Variants in RBPMS observed in about 807,000 individuals in gnomAD.
RBPMS encodes the protein RNA binding protein, mRNA processing factor, also known as RNA-binding protein with multiple splicing.
RBPMS carries 7 observed loss-of-function variants against 26.8 expected under a neutral mutation model. That is an observed-to-expected ratio of 0.26 (90% CI 0.15 to 0.49). The LOEUF (loss-of-function observed/expected upper bound fraction) is 0.49, where lower values mean the gene tolerates loss of function less well. Ranked by LOEUF, RBPMS falls within the 20% of genes least tolerant of loss-of-function variation. The pLI is 0.98. For missense variants in RBPMS, 186 were observed against 250.0 expected, an observed-to-expected ratio of 0.74 and a Z score of 1.73; for synonymous variants, 96 against 93.3, an observed-to-expected ratio of 1.03 and a Z score of -0.17.
intron 1 of RBPMS, 29 bp from the exon 2 acceptor site, chr8:30,474,750 T>G: frequency 7.1e-7 from 1 of 1,416,034 alleles, no homozygotes; most frequent in Non-Finnish European, 1.0e-6. Flanking sequence ...GTCCACACCC[T>G]TGATCACTTC....
At chr8:30,561,162 G>A (rs528779731) in intron 7 of RBPMS, among the ~76,000 whole-genome samples, 205 of 152,164 alleles carry the variant, frequency 1.3e-3, no homozygotes, top group African/African-American at 4.8e-3. Context: ...TGCTTTTTAG[G>A]AGAGATTTTT....
chr8:30,515,257 C>T (rs1183051400), intron 5 of RBPMS, among the ~76,000 whole-genome samples: 2 of 152,156 alleles, frequency 1.3e-5, no homozygotes, highest in Non-Finnish European at 2.9e-5. Flanking sequence ...CAGGTGTGAG[C>T]CACCACACCA....
intron 7 of RBPMS, among the ~76,000 whole-genome samples, chr8:30,559,358 T>G (rs779315044): frequency 5.3e-5 from 8 of 152,252 alleles, no homozygotes; most frequent in Non-Finnish European, 1.0e-4. Flanking sequence ...GGGAGATTTA[T>G]TAGAATGAGT....
intron 4 of RBPMS, among the ~76,000 whole-genome samples, chr8:30,493,509 C>T (rs1328561379): frequency 1.3e-5 from 2 of 151,860 alleles, no homozygotes; most frequent in Non-Finnish European, 2.9e-5. Context: ...GAGCAGTTGA[C>T]CTGCTGCTTT....
intron 4 of RBPMS, among the ~76,000 whole-genome samples, chr8:30,479,655 C>T (rs546627592): frequency 6.6e-6 from 1 of 152,232 alleles, no homozygotes; most frequent in East Asian, 1.9e-4. Context: ...AGCCCCATCC[C>T]ATCCAATGGT....
chr8:30,561,425 G>C lies in RBPMS; in HGVS notation c.*7+2469G>C, dbSNP rs144809549. Among the ~76,000 whole-genome samples the C allele has an allele frequency of 2.8e-3, 428 of 152,326 alleles. 4 individuals are homozygous for C. Among genetic ancestry groups the C allele is most frequent in the African/African-American group, 9.6e-3 (401 of 41,570 alleles). ...GTGAGCAGCTCCCTATTCCATGACA[G>C]TGTGTTGAGCTCTCCATTGTCAGAG... On this transcript the variant is annotated intron_variant, in intron 7 of 8. Coordinates refer to ENST00000397323, the MANE Select transcript of RBPMS (RefSeq NM_001008710.3).
chr8:30,509,774 G>A (rs985628438), intron 5 of RBPMS, among the ~76,000 whole-genome samples: 1 of 152,148 alleles, frequency 6.6e-6, no homozygotes, highest in African/African-American at 2.4e-5. Flanking sequence ...GGGACACAAG[G>A]GAATGACTAA....
At chr8:30,387,534 G>A (rs539306382) in intron 1 of RBPMS, among the ~76,000 whole-genome samples, 2 of 152,136 alleles carry the variant, frequency 1.3e-5, no homozygotes, top group South Asian at 2.1e-4. Context: ...TTGCTCTTAA[G>A]CACATTTAAA....
chr8:30,483,323 G>T (rs1275911823), intron 4 of RBPMS, among the ~76,000 whole-genome samples: 5 of 152,112 alleles, frequency 3.3e-5, no homozygotes, highest in African/African-American at 1.2e-4. Context: ...ATTAGGCTAG[G>T]TTTTATCTTA....
chr8:30,569,164 G>T (rs1021169894), intron 8 of RBPMS, among the ~76,000 whole-genome samples: 1 of 152,170 alleles, frequency 6.6e-6, no homozygotes, highest in African/African-American at 2.4e-5. Context: ...CCCCTGGCCT[G>T]CTCCCAGGCC....
chr8:30,410,730 TTTTG>T (rs1474896578), intron 1 of RBPMS, among the ~76,000 whole-genome samples: 33 of 151,356 alleles, frequency 2.2e-4, no homozygotes, highest in African/African-American at 7.5e-4. Context: ...TTTTTTTTTT[TTTTG>T]TTTGTTTTGT....
At chr8:30,518,687 C>CTTTTTTTTTTTTT (rs58763494) in intron 5 of RBPMS, among the ~76,000 whole-genome samples, 526 of 18,242 alleles carry the variant, frequency 0.029, 212 homozygotes, top group South Asian at 0.038. Context: ...CCAAGCATGA[C>CTTTTTTTTTTTTT]TTTTTTTTTT....
chr8:30,462,963 C>T (rs1183557265), intron 1 of RBPMS, among the ~76,000 whole-genome samples: 2 of 152,012 alleles, frequency 1.3e-5, no homozygotes, highest in African/African-American at 2.4e-5. Context: ...GTCCGTAATA[C>T]GAAAAATGCT....
rs376364214 is a variant in RBPMS at position 30,447,764 on chromosome 8, C to CT, written c.67-27006dup. Among the ~76,000 whole-genome samples the CT allele has an allele frequency of 2.0e-4, 31 of 151,230 alleles. No individual in the cohort carries two copies. In the East Asian group the frequency reaches 2.9e-3, roughly 14 times the overall value. On this transcript the variant is annotated intron_variant, in intron 1 of 8. Transcript: ENST00000397323. ...TGTCTATACAAAATTGTATCTGCAT[C>CT]TTTTTTTTTAACTTAGCAATGAATC...
intron 1 of RBPMS, among the ~76,000 whole-genome samples, chr8:30,435,281 T>A (rs1325289152): frequency 2.0e-5 from 3 of 152,184 alleles, no homozygotes; most frequent in African/African-American, 7.2e-5. Flanking sequence ...ATGTTTAGAG[T>A]TGGATCCCAT....
At chr8:30,502,257 C>T (rs1820641332) in intron 4 of RBPMS, among the ~76,000 whole-genome samples, 1 of 151,052 alleles carries the variant, frequency 6.6e-6, no homozygotes, top group Non-Finnish European at 1.5e-5. Flanking sequence ...GTAGGGGAGA[C>T]TTAGTTCAGC....
At chr8:30,432,252 G>A (rs1161547277) in intron 1 of RBPMS, among the ~76,000 whole-genome samples, 4 of 152,126 alleles carry the variant, frequency 2.6e-5, no homozygotes, top group Non-Finnish European at 5.9e-5. Flanking sequence ...TGACTCTCCC[G>A]GCAGAAAGTA....
intron 5 of RBPMS, among the ~76,000 whole-genome samples, chr8:30,521,620 C>A (rs1171195735): frequency 6.6e-6 from 1 of 152,050 alleles, no homozygotes; most frequent in East Asian, 1.9e-4. Flanking sequence ...TTGTGAGTAA[C>A]CTAAATTATA....
intron 6 of RBPMS, chr8:30,555,763 A>G: frequency 2.1e-6 from 1 of 467,094 alleles, no homozygotes; most frequent in South Asian, 9.0e-5. Context: ...TTTCCCCGTT[A>G]AGAAGAATTG....
Sources: allele counts gnomAD v4.1 joint callset (sites outside exome capture counted in the v4.1 genomes callset), GRCh38; gene constraint gnomAD v4.1.1; transcripts MANE v1.5; gene names NCBI Gene and HGNC (gene_info 2026-07-23, HGNC 2026-07-21).